Variants in BCAS3 observed in about 807,000 individuals in gnomAD.
The protein encoded by BCAS3 is BCAS3 microtubule associated cell migration factor, also known as BCAS4/BCAS3 fusion.
BCAS3 carries 53 observed loss-of-function variants against 116.1 expected under a neutral mutation model. The ratio of observed to expected loss-of-function variants is 0.46; its 90% CI spans 0.37 to 0.57. BCAS3 has a LOEUF of 0.57. Ranked by LOEUF, BCAS3 falls within the 20% of genes least tolerant of loss-of-function variation. The pLI is 0.00. For synonymous variants in BCAS3, 391 were observed against 408.2 expected (o/e 0.96, Z 0.51); for missense variants, 917 against 1,165.4 (o/e 0.79, Z 3.10).
chr17:60,702,361 T>C (rs1407409573), intron 4 of BCAS3, among the ~76,000 whole-genome samples: 1 of 152,186 alleles, frequency 6.6e-6, no homozygotes, highest in Non-Finnish European at 1.5e-5. Flanking sequence ...CTCACCTATT[T>C]TGCATCATGT....
chr17:60,717,705 G>A (rs1462980882), intron 5 of BCAS3, among the ~76,000 whole-genome samples: 3 of 152,020 alleles, frequency 2.0e-5, no homozygotes, highest in Admixed American at 6.6e-5. Flanking sequence ...ACTTATACCC[G>A]CCATCTAGAG....
Position 61,051,080 on chromosome 17 carries a change from A to T in BCAS3, c.2029+10188A>T, listed in dbSNP as rs1701472834. On this transcript the variant is annotated intron_variant, in intron 19 of 23. Coordinates refer to ENST00000407086, the MANE Select transcript of BCAS3 (RefSeq NM_017679.5). This position sits in a 1 kb window ranked among gnomAD's most constrained non-coding sequence, Gnocchi z 4.1. ...AAGAAATTATTTTTGACTGAATGAG[A>T]TTGAAATCAGATATACCCATATCTT... Among the ~76,000 whole-genome samples, 1 of 152,058 alleles carries T rather than the reference A, an allele frequency of 6.6e-6. No individual in the cohort carries two copies. The highest frequency in any genetic ancestry group is 2.4e-5 in the African/African-American group (1 of 41,454).
chr17:61,045,823 T>TTCTCTG (rs2068004802), intron 19 of BCAS3, among the ~76,000 whole-genome samples: 1 of 34,628 alleles, frequency 2.9e-5, no homozygotes, highest in Non-Finnish European at 4.2e-5. Flanking sequence ...TCATCTCTCT[T>TTCTCTG]TCTCTCTCTC....
intron 14 of BCAS3, among the ~76,000 whole-genome samples, chr17:60,983,185 T>A (rs1300437003): frequency 6.6e-6 from 1 of 152,164 alleles, no homozygotes; most frequent in Non-Finnish European, 1.5e-5. Context: ...TTTAGTGCTG[T>A]AGAATTAAAT....
chr17:61,046,641 A>G (rs2068380139), intron 19 of BCAS3, among the ~76,000 whole-genome samples: 1 of 151,916 alleles, frequency 6.6e-6, no homozygotes, highest in African/African-American at 2.4e-5. Flanking sequence ...TTCGGTAGAG[A>G]CGCAACCATC....
In BCAS3 at chr17:60,915,466, G is replaced by A. The variant is rs144967335; in HGVS notation, c.993+4764G>A. 3.6e-3 allele frequency among the ~76,000 whole-genome samples: 553 copies of A among 151,822 alleles called. 17 individuals are homozygous for A. Among genetic ancestry groups the A allele is most frequent in the Admixed American group, 0.033 (511 of 15,278 alleles). Reference sequence around the variant, plus strand: ...GACTGTTCTAAACTGTTTCATCAACGCATACTTCTTTGTATTTCATGAGCA... The same window carrying A: ...GACTGTTCTAAACTGTTTCATCAACACATACTTCTTTGTATTTCATGAGCA... On this transcript the variant is annotated intron_variant, in intron 12 of 23. Coordinates refer to ENST00000407086, the MANE Select transcript of BCAS3 (RefSeq NM_017679.5).
At chr17:60,866,598 G>C (rs2054616589) in intron 7 of BCAS3, among the ~76,000 whole-genome samples, 1 of 152,162 alleles carries the variant, frequency 6.6e-6, no homozygotes, top group Non-Finnish European at 1.5e-5. Flanking sequence ...AAGAGTTCAT[G>C]TATGATAGGT....
intron 4 of BCAS3, among the ~76,000 whole-genome samples, chr17:60,695,972 C>G (rs1429432134): frequency 6.6e-6 from 1 of 152,188 alleles, no homozygotes; most frequent in Non-Finnish European, 1.5e-5. Flanking sequence ...TCTTTGTCCA[C>G]TTCTTGTCAC....
In BCAS3 at chr17:61,379,920, ATGCTG is replaced by A. The variant is rs2059526178; in HGVS notation, c.2593+11427_2593+11431del. On this transcript the variant is annotated intron_variant, in intron 23 of 23. Coordinates refer to ENST00000407086, the MANE Select transcript of BCAS3 (RefSeq NM_017679.5). This position sits in a 1 kb window ranked among gnomAD's most constrained non-coding sequence, Gnocchi z 5.5. Reference sequence around the variant, plus strand: ...TGGCCAGGGCCAGCGTGCCATCTCCATGCTGGTGTGTGTGACTGTTTGGTGCTGAC... The same window carrying A: ...TGGCCAGGGCCAGCGTGCCATCTCCAGTGTGTGTGACTGTTTGGTGCTGAC... 6.6e-6 allele frequency: 1 copy of A among 152,538 alleles called. No homozygotes were observed. Among genetic ancestry groups the A allele is most frequent in the African/African-American group, 2.4e-5 (1 of 41,346 alleles). The allele number at this position is 152,538 out of a possible 1,614,324, so 9.4% of individuals were successfully genotyped here.
At chr17:60,931,235 AC>A (rs1416150421) in intron 13 of BCAS3, among the ~76,000 whole-genome samples, 1 of 152,122 alleles carries the variant, frequency 6.6e-6, no homozygotes, top group Non-Finnish European at 1.5e-5. Context: ...AAAGTGAATA[AC>A]ATTTTCAAGG....
rs2060174765 is a variant in BCAS3, at chr17:61,392,308, C to T, written c.*183C>T. On this transcript the variant is annotated 3_prime_UTR_variant, in exon 24 of 24. Coordinates refer to ENST00000407086, the MANE Select transcript of BCAS3 (RefSeq NM_017679.5). The surrounding 1 kb of genome is among the most constrained non-coding windows in gnomAD (Gnocchi z 6.4). ...AGACCCTTCTCCAAGCACCTCAGCG[C>T]ACTTGCCCTCTGCCACACCTGTCGG... is the stretch of plus-strand genomic sequence containing the variant. 4.4e-6 allele frequency: 3 copies of T among 686,526 alleles called. No homozygotes were observed. Among genetic ancestry groups the T allele is most frequent in the Admixed American group, 3.1e-5 (1 of 32,316 alleles). 42.5% of individuals were successfully genotyped at this position (686,526 alleles called of 1,614,324 possible).
intron 7 of BCAS3, chr17:60,810,792 G>T: frequency 1.5e-6 from 1 of 665,112 alleles, no homozygotes; most frequent in Non-Finnish European, 2.8e-6. Context: ...TCAAGGAGGA[G>T]CTGCTCTTCC....
rs534635299 is a variant in BCAS3, at chr17:61,317,616, G to A, written c.2426-50711G>A. Among the ~76,000 whole-genome samples the A allele has an allele frequency of 3.3e-5, 5 of 152,328 alleles. No individual in the cohort carries two copies. The East Asian group carries it at 5.8e-4, about 18-fold the overall frequency. ...GGTCAGTGGGGTAGTAGCACCATCAGGGGCAACTGGCAGTGAGGCCTCAAT... is the reference window on the plus strand; with the variant it reads ...GGTCAGTGGGGTAGTAGCACCATCAAGGGCAACTGGCAGTGAGGCCTCAAT... On this transcript the variant is annotated intron_variant, in intron 22 of 23. Coordinates refer to ENST00000407086, the MANE Select transcript of BCAS3 (RefSeq NM_017679.5).
intron 16 of BCAS3, among the ~76,000 whole-genome samples, chr17:61,033,733 A>C (rs758684314): frequency 7.2e-5 from 11 of 152,244 alleles, no homozygotes; most frequent in Non-Finnish European, 1.0e-4. Flanking sequence ...TATGAATTAG[A>C]GAAAATAATT....
chr17:60,779,341 G>T (rs1426824905), intron 6 of BCAS3, among the ~76,000 whole-genome samples: 1 of 151,672 alleles, frequency 6.6e-6, no homozygotes, highest in African/African-American at 2.4e-5. Flanking sequence ...TATGTGTAAG[G>T]TGCATATGAA....
At position 61,034,712 on chromosome 17, in the gene BCAS3, G is replaced by A. The variant is rs772813265; in HGVS notation, c.1684G>A (p.Gly562Arg). Residue 562 changes from glycine to arginine, a missense_variant, in exon 17 of 24, where the codon GGA becomes AGA. Coordinates refer to ENST00000407086, the MANE Select transcript of BCAS3 (RefSeq NM_017679.5). The surrounding 1 kb of genome is among the most constrained non-coding windows in gnomAD (Gnocchi z 5.0). Reference sequence around the variant, plus strand: ...AATTTCACCCAGCAAATCGATGGGCGGAGAATTTTGTGTGGCTGCTATCTT... The same window carrying A: ...AATTTCACCCAGCAAATCGATGGGCAGAGAATTTTGTGTGGCTGCTATCTT... Reference protein sequence around the residue: ...PQISPSKSMGGEFCVAAIFGT... With the variant: ...PQISPSKSMGREFCVAAIFGT... 18 of 1,611,958 alleles carry A rather than the reference G, an allele frequency of 1.1e-5. No individual in the cohort carries two copies. The highest frequency in any genetic ancestry group is 6.7e-5 in the East Asian group (3 of 44,790).
intron 6 of BCAS3, among the ~76,000 whole-genome samples, chr17:60,797,101 G>T (rs2047281082): frequency 6.6e-6 from 1 of 151,776 alleles, no homozygotes; most frequent in Non-Finnish European, 1.5e-5. Context: ...TCGCCACCTT[G>T]GCCAGGCTGG....
intron 23 of BCAS3, chr17:61,389,068 A>C (rs1603229119): frequency 1.7e-5 from 4 of 236,654 alleles, no homozygotes; most frequent in Non-Finnish European, 2.5e-5. Context: ...AAGGCACAGA[A>C]CCCCCCCGAG....
At chr17:60,934,473 A>C (rs2059817941) in intron 13 of BCAS3, among the ~76,000 whole-genome samples, 1 of 152,262 alleles carries the variant, frequency 6.6e-6, no homozygotes, top group South Asian at 2.1e-4. Context: ...CATAGTATTT[A>C]ATTTTGCAAA....
Sources: gnomAD v4.1 joint callset for allele counts (sites outside exome capture counted in the v4.1 genomes callset) on GRCh38, gnomAD v4.1.1 for gene constraint, Gnocchi (gnomAD v3.1) non-coding constraint, MANE v1.5 for transcripts, NCBI Gene and HGNC (gene_info 2026-07-23, HGNC 2026-07-21) for gene names.